FAM240A: variants seen among roughly 807,000 people sequenced by gnomAD.
The protein encoded by FAM240A is protein FAM240A.
In FAM240A, 8 loss-of-function variants were observed where a neutral mutation model predicts 7.3. That is an observed-to-expected ratio of 1.09 (90% CI 0.64 to 1.97). The LOEUF (loss-of-function observed/expected upper bound fraction) is 1.97. Among genes scored for constraint, FAM240A ranks in the 30% most tolerant of loss-of-function variants. The probability of loss-of-function intolerance (pLI) is 0.00; values close to 1 mark genes in which losing one functional copy is unlikely to be tolerated. For missense variants in FAM240A, 90 were observed against 102.2 expected, an observed-to-expected ratio of 0.88 and a Z score of 0.52; for synonymous variants, 32 against 35.9, an observed-to-expected ratio of 0.89 and a Z score of 0.38.
intron 1 of FAM240A, among the ~76,000 whole-genome samples, chr3:46,615,098 G>T (rs778960662): frequency 6.6e-6 from 1 of 152,162 alleles, no homozygotes; most frequent in Non-Finnish European, 1.5e-5. Flanking sequence ...CAAACAGACG[G>T]CGCATCAAGG....
intron 2 of FAM240A, among the ~76,000 whole-genome samples, chr3:46,622,359 G>T (rs1359667099): frequency 6.6e-6 from 1 of 151,968 alleles, no homozygotes; most frequent in Non-Finnish European, 1.5e-5. Flanking sequence ...GCCCGCCTCG[G>T]CCTCCCAAAG....
chr3:46,614,015 C>CTCAA (rs1454759686), intron 1 of FAM240A, among the ~76,000 whole-genome samples: 3 of 152,156 alleles, frequency 2.0e-5, no homozygotes, highest in Admixed American at 2.0e-4. Context: ...ACCTCTTGGG[C>CTCAA]TCAAGCAATC....
intron 2 of FAM240A, among the ~76,000 whole-genome samples, chr3:46,624,498 C>T (rs1210720055): frequency 2.0e-5 from 3 of 152,054 alleles, no homozygotes; most frequent in Admixed American, 6.6e-5. Flanking sequence ...TCTCGAACTC[C>T]TGACCTTGTG....
intron 1 of FAM240A, among the ~76,000 whole-genome samples, chr3:46,615,364 C>T (rs1697616122): frequency 6.6e-6 from 1 of 152,134 alleles, no homozygotes; most frequent in South Asian, 2.1e-4. Flanking sequence ...TGTGCACAGG[C>T]AGAGCCAGGG....
intron 2 of FAM240A, among the ~76,000 whole-genome samples, chr3:46,620,965 A>T (rs542561770): frequency 9.9e-5 from 15 of 152,202 alleles, no homozygotes; most frequent in Non-Finnish European, 1.5e-4. Flanking sequence ...ATGCAGGAGA[A>T]GGGAGATATG....
rs993299650 is a variant in FAM240A, at chr3:46,625,165, C to T, written c.199C>T (p.Leu67=). 3 of 1,534,584 alleles carry T rather than the reference C, an allele frequency of 2.0e-6. No individual in the cohort carries two copies. In the African/African-American group the frequency reaches 4.1e-5, roughly 21 times the overall value. ...EEWKQRLETK[L]RLRNNPEDTE... The stretch of plus-strand genomic sequence containing the variant: ...ATGGAAGCAGAGGCTGGAAACAAAG[C>T]TGAGGCTGCGGAACAATCCAGAGGA... Residue 67 remains leucine (L), a synonymous_variant, in exon 3 of 3, where the codon CTG becomes TTG. Coordinates refer to ENST00000640551, the MANE Select transcript of FAM240A (RefSeq NM_001195442.2).
chr3:46,623,225 A>T (rs1464153748), intron 2 of FAM240A, among the ~76,000 whole-genome samples: 2 of 152,120 alleles, frequency 1.3e-5, no homozygotes, highest in African/African-American at 4.8e-5. Context: ...GACTTTCCAG[A>T]TATCTTTCTG....
At chr3:46,624,985 A>ATATATATATATATATATATATATATAT in intron 2 of FAM240A, 143 bp from the exon 3 acceptor site, 1 of 245,630 alleles carries the variant, frequency 4.1e-6, no homozygotes, top group African/African-American at 2.3e-5. Flanking sequence ...ATATATATTT[A>ATATATATATATATATATATATATATAT]AACTTGCATG....
chr3:46,617,708 T>C (rs1697646818), intron 2 of FAM240A, among the ~76,000 whole-genome samples: 1 of 152,210 alleles, frequency 6.6e-6, no homozygotes, highest in Non-Finnish European at 1.5e-5. Context: ...CACATGAGGT[T>C]ACACTAAATG....
intron 1 of FAM240A, among the ~76,000 whole-genome samples, chr3:46,613,279 A>T (rs1697587904): frequency 6.6e-6 from 1 of 152,128 alleles, no homozygotes; most frequent in Non-Finnish European, 1.5e-5. Context: ...GGATCACCTG[A>T]GGTCAGGAGT....
chr3:46,614,672 C>T (rs542016352), intron 1 of FAM240A, among the ~76,000 whole-genome samples: 59 of 152,320 alleles, frequency 3.9e-4, no homozygotes, highest in African/African-American at 1.1e-3. Context: ...ACAGGACAAA[C>T]GCTCTTACCC....
intron 2 of FAM240A, among the ~76,000 whole-genome samples, chr3:46,623,391 A>G (rs551935011): frequency 6.6e-6 from 1 of 152,316 alleles, no homozygotes; most frequent in South Asian, 2.1e-4. Context: ...TAGGGAGAAT[A>G]TTCTATAAAT....
At chr3:46,613,712 C>G (rs1246045277) in intron 1 of FAM240A, among the ~76,000 whole-genome samples, 1 of 152,094 alleles carries the variant, frequency 6.6e-6, no homozygotes, top group Non-Finnish European at 1.5e-5. Context: ...CCTGCCCGCT[C>G]ATCCTGCAAG....
intron 2 of FAM240A, among the ~76,000 whole-genome samples, chr3:46,618,253 G>A (rs1468500356): frequency 6.6e-6 from 1 of 152,172 alleles, no homozygotes; most frequent in Non-Finnish European, 1.5e-5. Context: ...ATAGAGACCT[G>A]CTCAGCCTTA....
chr3:46,613,531 C>A (rs1318051963), intron 1 of FAM240A, among the ~76,000 whole-genome samples: 2 of 54,968 alleles, frequency 3.6e-5, no homozygotes, highest in Admixed American at 1.9e-4. Context: ...AAATAAAAAA[C>A]AAGACACAGA....
Position 46,625,113 on chromosome 3 carries a change from G to T in FAM240A, c.162-15G>T, listed in dbSNP as rs1306087056. On this transcript the variant is annotated splice_polypyrimidine_tract_variant and intron_variant, in intron 2 of 2. Transcript: ENST00000640551. ...AAATGAATGCTCCATCTGTGTGTTTGGTTTCTATTTTCAGGCTCAGAGAAG... is the reference window on the plus strand; with the variant it reads ...AAATGAATGCTCCATCTGTGTGTTTTGTTTCTATTTTCAGGCTCAGAGAAG... 4.6e-6 allele frequency: 7 copies of T among 1,523,988 alleles called. No homozygotes were observed. Among genetic ancestry groups the T allele is most frequent in the South Asian group, 1.2e-5 (1 of 83,742 alleles). 94.4% of individuals were successfully genotyped at this position (1,523,988 alleles called of 1,614,324 possible).
intron 1 of FAM240A, among the ~76,000 whole-genome samples, chr3:46,616,848 A>C (rs567940111): frequency 2.9e-4 from 44 of 152,212 alleles, no homozygotes; most frequent in African/African-American, 9.6e-4. Flanking sequence ...TTATATAATT[A>C]CTTCTTTTCC....
intron 2 of FAM240A, among the ~76,000 whole-genome samples, chr3:46,619,830 G>A (rs891264844): frequency 5.9e-5 from 9 of 152,210 alleles, no homozygotes; most frequent in African/African-American, 2.2e-4. Context: ...GAAATGCCAT[G>A]TGCAAACACC....
chr3:46,614,882 A>T (rs1697610571), intron 1 of FAM240A, among the ~76,000 whole-genome samples: 1 of 152,242 alleles, frequency 6.6e-6, no homozygotes, highest in Non-Finnish European at 1.5e-5. Flanking sequence ...ACATTTAATT[A>T]GCTCAGACTA....
Sources: allele counts gnomAD v4.1 joint callset (sites outside exome capture counted in the v4.1 genomes callset), GRCh38; gene constraint gnomAD v4.1.1; transcripts MANE v1.5; gene names NCBI Gene and HGNC (gene_info 2026-07-23, HGNC 2026-07-21).